Variants in CLDN1 observed in about 807,000 individuals in gnomAD.
CLDN1 encodes claudin-1.
A neutral mutation model predicts 22.6 loss-of-function variants in CLDN1; 12 were observed. The observed-to-expected ratio is 0.53, with a 90% CI of 0.34 to 0.86. The LOEUF is 0.86. CLDN1 is among the 40% of genes least tolerant of loss of function. CLDN1 has a pLI of 0.02. For synonymous variants in CLDN1, 99 were observed against 103.8 expected (o/e 0.95, Z 0.28); for missense variants, 250 against 269.5 (o/e 0.93, Z 0.51).
At chr3:190,312,740 A>C in intron 2 of CLDN1, 132 bp downstream of exon 2, 1 of 959,908 alleles carries the variant, frequency 1.0e-6, no homozygotes, top group Non-Finnish European at 1.7e-6. Flanking sequence ...CATGAAAGTC[A>C]ACTGGACTTC....
chr3:190,319,222 G>A (rs981032484), intron 1 of CLDN1, among the ~76,000 whole-genome samples: 3 of 152,146 alleles, frequency 2.0e-5, no homozygotes, highest in African/African-American at 4.8e-5. Flanking sequence ...AAAACAAGGC[G>A]AGAGGTACAG....
At chr3:190,319,210 T>A (rs1417192548) in intron 1 of CLDN1, among the ~76,000 whole-genome samples, 1 of 152,148 alleles carries the variant, frequency 6.6e-6, no homozygotes, top group Non-Finnish European at 1.5e-5. Flanking sequence ...GAGAATTAGA[T>A]GAAAACAAGG....
At chr3:190,309,575 C>T (rs6784102) in intron 3 of CLDN1, among the ~76,000 whole-genome samples, 102,283 of 152,122 alleles carry the variant, frequency 0.67, 35,703 homozygotes, top group African/African-American at 0.87. Flanking sequence ...TGTTGTTACA[C>T]GAGAGCTAAG....
Position 190,317,808 on chromosome 3 carries a change from G to A in CLDN1, c.223+4176C>T, listed in dbSNP as rs147747379. Among the ~76,000 whole-genome samples, 479 of 152,264 alleles carry A rather than the reference G, an allele frequency of 3.1e-3. 6 individuals carry two copies. Among genetic ancestry groups the A allele is most frequent in the African/African-American group, 0.011 (454 of 41,558 alleles). ...TTGGACTCTCAGATACTGTATTCTT[G>A]ATCGGTATTGGTTGAAAGAAATCCA... On this transcript the variant is annotated intron_variant, in intron 1 of 3. Coordinates refer to ENST00000295522, the MANE Select transcript of CLDN1 (RefSeq NM_021101.5).
chr3:190,320,782 G>C (rs1313149549), intron 1 of CLDN1, among the ~76,000 whole-genome samples: 1 of 152,108 alleles, frequency 6.6e-6, no homozygotes, highest in South Asian at 2.1e-4. Flanking sequence ...GGGCAGTCAC[G>C]TTCATCTAGG....
At chr3:190,308,856 C>G (rs1304441850) in intron 3 of CLDN1, among the ~76,000 whole-genome samples, 2 of 152,108 alleles carry the variant, frequency 1.3e-5, no homozygotes, top group Non-Finnish European at 2.9e-5. Context: ...ATAATCAGAG[C>G]TTTGAACAGA....
chr3:190,322,113 T>C lies in CLDN1; in HGVS notation c.94A>G (p.Ile32Val). The change falls in exon 1 of 4, where the codon ATT (isoleucine) becomes GTT (valine). Residue 32 changes from isoleucine (I) to valine (V), a missense_variant. Physicochemically the swap from Ile to Val is conservative, Grantham distance 29 (BLOSUM62 3). Transcript: ENST00000295522. ...ATGTTGTCGCCGGCATAGGAGTAAA[T>C]CCTCCACTGGGGCAGGGCAGTGCTG... The part of the protein sequence containing the change: ...IVSTALPQWR[I>V]YSYAGDNIVT... 2 of 1,614,016 alleles carry C rather than the reference T, an allele frequency of 1.2e-6. No individual in the cohort carries two copies. The highest frequency in any genetic ancestry group is 1.7e-6 in the Non-Finnish European group (2 of 1,180,008).
rs148674191 is a variant in CLDN1, at chr3:190,320,670, A to G, written c.223+1314T>C. On this transcript the variant is annotated intron_variant, in intron 1 of 3. Transcript: ENST00000295522. ...CTCTAAACTATATGGCTTTTGATAT[A>G]CACTATTAAAAGTTGTCCCTTGATA... 7.9e-5 allele frequency among the ~76,000 whole-genome samples: 12 copies of G among 152,336 alleles called. No individual in the cohort carries two copies. In the East Asian group the frequency reaches 2.1e-3, roughly 27 times the overall value.
chr3:190,310,230 C>T lies in CLDN1; in HGVS notation c.412G>A (p.Ala138Thr). The T allele has an allele frequency of 6.2e-7, 1 of 1,613,542 alleles. No homozygotes were observed. The highest frequency in any genetic ancestry group is 8.5e-7 in the Non-Finnish European group (1 of 1,179,604). ...TGAACGATTCTATTGCCATACCATG[C>T]TGTGGCAACTAAAATAGCCAGACCT... Reference protein sequence around the residue: ...LAGLAILVATAWYGNRIVQEF... With the variant: ...LAGLAILVATTWYGNRIVQEF... Residue 138 changes from alanine to threonine, a missense_variant, in exon 3 of 4, where the codon GCA becomes ACA. Physicochemically the swap from Ala to Thr is moderately conservative, Grantham distance 58. Coordinates refer to ENST00000295522, the MANE Select transcript of CLDN1 (RefSeq NM_021101.5).
At chr3:190,319,105 G>A (rs965056567) in intron 1 of CLDN1, among the ~76,000 whole-genome samples, 1 of 152,060 alleles carries the variant, frequency 6.6e-6, no homozygotes, top group South Asian at 2.1e-4. Flanking sequence ...GCCTCCTACA[G>A]CAACTCAATC....
rs761296860 is a variant in CLDN1 at position 190,322,216 on chromosome 3, G to C, written c.-10C>G. On this transcript the variant is annotated 5_prime_UTR_variant, in exon 1 of 4. Transcript: ENST00000295522. ...GCCCCGCGTTGGCCATGACTCGCTC[G>C]GGCGCCCGCGCTGGCTCAGGGGTGG... is the stretch of plus-strand genomic sequence containing the variant. The C allele has an allele frequency of 1.2e-6, 2 of 1,612,622 alleles. No individual in the cohort carries two copies. The highest frequency in any genetic ancestry group is 2.7e-5 in the African/African-American group (2 of 74,914).
At position 190,322,115 on chromosome 3, in the gene CLDN1, C is replaced by A. The variant is rs1379167045; in HGVS notation, c.92G>T (p.Arg31Met). Reference sequence around the variant, plus strand: ...GTTGTCGCCGGCATAGGAGTAAATCCTCCACTGGGGCAGGGCAGTGCTGAC... The same window carrying A: ...GTTGTCGCCGGCATAGGAGTAAATCATCCACTGGGGCAGGGCAGTGCTGAC... The part of the protein sequence containing the change: ...AIVSTALPQW[R>M]IYSYAGDNIV... Residue 31 changes from arginine (R) to methionine (M), a missense_variant, in exon 1 of 4, where the codon AGG becomes ATG. By Grantham distance (91) the Arg-to-Met change is moderately conservative. Coordinates refer to ENST00000295522, the MANE Select transcript of CLDN1 (RefSeq NM_021101.5). 6.2e-7 allele frequency: 1 copy of A among 1,614,228 alleles called. No homozygotes were observed.
chr3:190,321,197 T>A (rs1214969004), intron 1 of CLDN1, among the ~76,000 whole-genome samples: 1 of 152,190 alleles, frequency 6.6e-6, no homozygotes, highest in Non-Finnish European at 1.5e-5. Flanking sequence ...TGCATTTCCC[T>A]TCAGTGCCTT....
rs1716441129 is a variant in CLDN1 at position 190,306,018 on chromosome 3, A to G, written c.*2259T>C. 6.6e-6 allele frequency: 1 copy of G among 152,216 alleles called. No homozygotes were observed. The highest frequency in any genetic ancestry group is 1.5e-5 in the Non-Finnish European group (1 of 68,030). 9.4% of individuals were successfully genotyped at this position (152,216 alleles called of 1,614,324 possible). Reference sequence around the variant, plus strand: ...TCTCAGGTTTGGAAGGCACACTAAAATTTATTAGGTCCAATTCCTCATAAG... The same window carrying G: ...TCTCAGGTTTGGAAGGCACACTAAAGTTTATTAGGTCCAATTCCTCATAAG... On this transcript the variant is annotated 3_prime_UTR_variant, in exon 4 of 4. Transcript: ENST00000295522.
chr3:190,317,153 T>A (rs2108612162), intron 1 of CLDN1, among the ~76,000 whole-genome samples: 1 of 152,290 alleles, frequency 6.6e-6, no homozygotes, highest in Non-Finnish European at 1.5e-5. Flanking sequence ...TTGGTCTGAT[T>A]AGAACAAACC....
chr3:190,310,028 G>A (rs747336173), intron 3 of CLDN1, 141 bp downstream of exon 3: 113 of 724,308 alleles, frequency 1.6e-4, no homozygotes, highest in Middle Eastern at 1.2e-3. Context: ...ACATAAGTCA[G>A]AGATCATTTA....
intron 1 of CLDN1, among the ~76,000 whole-genome samples, chr3:190,316,355 T>C (rs897534737): frequency 5.9e-5 from 9 of 152,226 alleles, no homozygotes; most frequent in South Asian, 2.1e-4. Flanking sequence ...CTTTGCTTCA[T>C]TGGAGATATT....
At chr3:190,314,402 T>A (rs1000772729) in intron 1 of CLDN1, among the ~76,000 whole-genome samples, 3 of 152,144 alleles carry the variant, frequency 2.0e-5, no homozygotes, top group African/African-American at 4.8e-5. Context: ...TCTCTTTATT[T>A]TTCTTTTTTT....
rs560285534 is a variant in CLDN1 at position 190,308,826 on chromosome 3, A to C, written c.474-387T>G. Reference sequence around the variant, plus strand: ...AGTAGTAATCATATTCTATAAAGAAACTGATAGAGCATAATGGAGATAATC... The same window carrying C: ...AGTAGTAATCATATTCTATAAAGAACCTGATAGAGCATAATGGAGATAATC... On this transcript the variant is annotated intron_variant, in intron 3 of 3. Transcript: ENST00000295522. Among the ~76,000 whole-genome samples, 5 of 152,338 alleles carry C rather than the reference A, an allele frequency of 3.3e-5. No individual in the cohort carries two copies. In the South Asian group the frequency reaches 1.0e-3, roughly 32 times the overall value.
Sources: gnomAD v4.1 joint callset for allele counts (sites outside exome capture counted in the v4.1 genomes callset) on GRCh38, gnomAD v4.1.1 for gene constraint, MANE v1.5 for transcripts, NCBI Gene and HGNC (gene_info 2026-07-23, HGNC 2026-07-21) for gene names.